STK32C: variants seen among roughly 807,000 people sequenced by gnomAD.
STK32C encodes the protein serine/threonine-protein kinase 32C.
STK32C carries 31 observed loss-of-function variants against 56.5 expected under a neutral mutation model. The observed-to-expected ratio is 0.55, with a 90% confidence interval of 0.41 to 0.74. The LOEUF is 0.74. STK32C is among the 30% of genes least tolerant of loss of function. The pLI, the probability that STK32C is intolerant of heterozygous loss-of-function variation, is 0.00. For synonymous variants in STK32C, 309 were observed against 289.4 expected (o/e 1.07, Z -0.69); for missense variants, 544 against 676.9 (o/e 0.80, Z 2.18).
At chr10:132,269,168 C>G (rs764696233) in intron 1 of STK32C, among the ~76,000 whole-genome samples, 4 of 151,188 alleles carry the variant, frequency 2.6e-5, no homozygotes, top group Non-Finnish European at 5.9e-5. Context: ...ATCGTGTGTG[C>G]ATGTGTCACA....
At position 132,208,000 on chromosome 10, in the gene STK32C, G is replaced by A. The variant is rs2062151350; in HGVS notation, c.*10C>T. The stretch of plus-strand genomic sequence containing the variant: ...GCAGCTCAAGGGGTGAGGACCACGG[G>A]CGTCCCGGCCTAGCCGCTCCCGGCC... On this transcript the variant is annotated 3_prime_UTR_variant, in exon 12 of 12. Coordinates refer to ENST00000298630, the MANE Select transcript of STK32C (RefSeq NM_173575.4). The A allele has an allele frequency of 7.7e-7, 1 of 1,303,614 alleles. No individual in the cohort carries two copies. Among genetic ancestry groups the A allele is most frequent in the Non-Finnish European group, 9.8e-7 (1 of 1,019,388 alleles). The allele number at this position is 1,303,614 out of a possible 1,614,324, so 80.8% of individuals were successfully genotyped here.
At chr10:132,292,379 T>C (rs1225040925) in intron 1 of STK32C, among the ~76,000 whole-genome samples, 1 of 152,144 alleles carries the variant, frequency 6.6e-6, no homozygotes, top group African/African-American at 2.4e-5. Context: ...ACTCACCACA[T>C]GCATATTGAT....
At chr10:132,263,118 C>T (rs1388984191) in intron 1 of STK32C, among the ~76,000 whole-genome samples, 1 of 152,208 alleles carries the variant, frequency 6.6e-6, no homozygotes, top group East Asian at 1.9e-4. Context: ...ACAAATCGTT[C>T]TACCAAAAAG....
intron 1 of STK32C, among the ~76,000 whole-genome samples, chr10:132,272,793 C>A (rs1320419213): frequency 6.6e-6 from 1 of 152,218 alleles, no homozygotes; most frequent in Non-Finnish European, 1.5e-5. Context: ...CTCCACACTC[C>A]CATTTCTCTC....
chr10:132,214,084 A>C (rs1379001339), intron 10 of STK32C, among the ~76,000 whole-genome samples: 1 of 152,168 alleles, frequency 6.6e-6, no homozygotes, highest in Non-Finnish European at 1.5e-5. Flanking sequence ...GAGAAAGAGA[A>C]CAGAATATTT....
intron 2 of STK32C, among the ~76,000 whole-genome samples, chr10:132,238,783 A>G (rs920785737): frequency 2.3e-4 from 35 of 149,004 alleles, no homozygotes; most frequent in African/African-American, 8.8e-4. Context: ...CAATGCATGC[A>G]CACACACACA....
chr10:132,217,180 A>T (rs2062499384), intron 10 of STK32C, among the ~76,000 whole-genome samples: 1 of 152,280 alleles, frequency 6.6e-6, no homozygotes, highest in Non-Finnish European at 1.5e-5. Context: ...GAGCTGCCTA[A>T]GACCATGGGA....
chr10:132,237,180 G>A (rs11816203), intron 2 of STK32C, among the ~76,000 whole-genome samples: 2,170 of 52,668 alleles, frequency 0.041, 64 homozygotes, highest in African/African-American at 0.075. Context: ...CTCCCTGACT[G>A]TGCTCCCTGG....
chr10:132,274,150 C>T (rs1336687586), intron 1 of STK32C, among the ~76,000 whole-genome samples: 1 of 152,204 alleles, frequency 6.6e-6, no homozygotes, highest in Non-Finnish European at 1.5e-5. Context: ...GGTCATTGCT[C>T]AGGACGGGAC....
intron 10 of STK32C, among the ~76,000 whole-genome samples, chr10:132,211,683 C>T: frequency 6.6e-6 from 1 of 152,212 alleles, no homozygotes; most frequent in Non-Finnish European, 1.5e-5. Flanking sequence ...TGGCTGGAAC[C>T]CTTTGCCAGC....
At chr10:132,324,172 C>A (rs998093094) in exon 2 of STK32C, 32 of 764,654 alleles carry the variant, frequency 4.2e-5, no homozygotes, top group Non-Finnish European at 7.6e-5. Flanking sequence ...GAGTCTGAGT[C>A]TCCCTGGGTA....
chr10:132,229,060 G>A (rs940591298), intron 2 of STK32C, among the ~76,000 whole-genome samples: 1 of 152,200 alleles, frequency 6.6e-6, no homozygotes, highest in South Asian at 2.1e-4. Context: ...TCAATGAGCA[G>A]GGGGGTCCCT....
intron 10 of STK32C, among the ~76,000 whole-genome samples, chr10:132,221,812 ACACT>A (rs2062673210): frequency 4.8e-5 from 6 of 124,616 alleles, no homozygotes; most frequent in African/African-American, 1.6e-4. Flanking sequence ...ATCCCTGCAC[ACACT>A]CACAACTGAC....
chr10:132,317,266 A>C (rs949850663), intron 1 of STK32C, among the ~76,000 whole-genome samples: 1 of 152,232 alleles, frequency 6.6e-6, no homozygotes, highest in African/African-American at 2.4e-5. Flanking sequence ...TAAATGTAGG[A>C]GCTAACACTA....
rs556234533 is a variant in STK32C at position 132,210,909 on chromosome 10, C to T, written c.1252-1808G>A. ...TCCTAGCCCTGAGTGGGGACTGTCC[C>T]GCCCGCTCCTCCTGGTGGTGTCACC... On this transcript the variant is annotated intron_variant, in intron 10 of 11. Transcript: ENST00000298630. 5.1e-3 allele frequency among the ~76,000 whole-genome samples: 779 copies of T among 152,296 alleles called. 3 individuals carry two copies. Among genetic ancestry groups the T allele is most frequent in the Non-Finnish European group, 9.4e-3 (636 of 68,020 alleles).
intron 1 of STK32C, among the ~76,000 whole-genome samples, chr10:132,294,818 G>A (rs971037502): frequency 3.9e-5 from 6 of 152,068 alleles, no homozygotes; most frequent in Admixed American, 2.0e-4. Flanking sequence ...AGTGACTTCC[G>A]TCCCCTTCCC....
intron 1 of STK32C, among the ~76,000 whole-genome samples, chr10:132,300,556 T>A (rs965065983): frequency 5.3e-5 from 8 of 152,274 alleles, no homozygotes; most frequent in Admixed American, 4.6e-4. Context: ...TGTTTTCTGA[T>A]GAAGCAGGCA....
chr10:132,250,889 C>G (rs2063881060), intron 1 of STK32C, among the ~76,000 whole-genome samples: 1 of 152,220 alleles, frequency 6.6e-6, no homozygotes, highest in South Asian at 2.1e-4. Context: ...AAACCAATCC[C>G]TGCCTCATGG....
chr10:132,246,023 A>C (rs1590245870), intron 1 of STK32C, 68 bp from the exon 2 acceptor site: 2 of 1,456,114 alleles, frequency 1.4e-6, no homozygotes, highest in Non-Finnish European at 1.9e-6. Context: ...CAGCTCCCCC[A>C]CCTCAACATC....
Sources: allele counts gnomAD v4.1 joint callset (sites outside exome capture counted in the v4.1 genomes callset), GRCh38; gene constraint gnomAD v4.1.1; transcripts MANE v1.5; gene names NCBI Gene and HGNC (gene_info 2026-07-23, HGNC 2026-07-21).